RGS6: variants seen among roughly 807,000 people sequenced by gnomAD.
RGS6 encodes regulator of G protein signaling 6.
Under a neutral mutation model 78.5 loss-of-function variants are expected in RGS6, and 30 were observed. The ratio of observed to expected loss-of-function variants is 0.38; its 90% CI spans 0.29 to 0.52. The LOEUF (loss-of-function observed/expected upper bound fraction) is 0.52, where lower values mean the gene tolerates loss of function less well. Among genes scored for constraint, RGS6 ranks in the 20% least tolerant of loss-of-function variants. The pLI is 0.85. For synonymous variants in RGS6, 206 were observed against 206.0 expected (o/e 1.00, Z 0.00); for missense variants, 495 against 609.7 (o/e 0.81, Z 1.98).
chr14:72,425,674 C>T (rs2094404831), intron 3 of RGS6, among the ~76,000 whole-genome samples: 1 of 152,148 alleles, frequency 6.6e-6, no homozygotes, highest in South Asian at 2.1e-4. Flanking sequence ...CAAATCCAGC[C>T]TAGCACATGT....
At chr14:72,432,952 A>G (rs189293296) in intron 3 of RGS6, among the ~76,000 whole-genome samples, 1 of 152,310 alleles carries the variant, frequency 6.6e-6, no homozygotes, top group East Asian at 1.9e-4. Flanking sequence ...GTGGGGAGTA[A>G]GGATGATGAA....
chr14:72,072,576 T>A lies in RGS6; in HGVS notation c.84+107701T>A, dbSNP rs907563796. On this transcript the variant is annotated intron_variant, in intron 2 of 17. Coordinates refer to ENST00000553525, the MANE Select transcript of RGS6 (RefSeq NM_001204424.2). ...CACCTGCCCCGGCCTCCCAAAGTGC[T>A]GGGATTACAGGTGTGAGCCACTGTT... Among the ~76,000 whole-genome samples, 10 of 152,264 alleles carry A rather than the reference T, an allele frequency of 6.6e-5. No individual in the cohort carries two copies. The South Asian group carries it at 8.3e-4, about 13-fold the overall frequency.
At chr14:72,353,982 TCAGCAACAA>T (rs1323157687) in intron 3 of RGS6, among the ~76,000 whole-genome samples, 3 of 148,668 alleles carry the variant, frequency 2.0e-5, no homozygotes, top group Non-Finnish European at 4.5e-5. Context: ...AGACTCTGTC[TCAGCAACAA>T]CAACAACAAC....
the RGS6 span, among the ~76,000 whole-genome samples, chr14:71,905,624 G>T: frequency 6.6e-6 from 1 of 152,210 alleles, no homozygotes; most frequent in East Asian, 1.9e-4. Context: ...TGAGTAGCTG[G>T]GATTACAGGC....
At chr14:72,501,160 A>C (rs1391089535) in intron 13 of RGS6, among the ~76,000 whole-genome samples, 1 of 151,996 alleles carries the variant, frequency 6.6e-6, no homozygotes, top group African/African-American at 2.4e-5. Context: ...TATGATTTCC[A>C]GGGCCCAGGA....
chr14:72,109,727 A>C (rs1374556458), intron 2 of RGS6, among the ~76,000 whole-genome samples: 3 of 152,224 alleles, frequency 2.0e-5, no homozygotes, highest in African/African-American at 7.2e-5. Flanking sequence ...ATAAATTTAT[A>C]TAGTGCCTTA....
chr14:72,489,325 T>G (rs931553341), intron 12 of RGS6, among the ~76,000 whole-genome samples: 3 of 152,236 alleles, frequency 2.0e-5, no homozygotes, highest in African/African-American at 7.2e-5. Flanking sequence ...GCTGCTGGCT[T>G]GTCTTTGTGC....
At chr14:72,030,529 G>A (rs767810421) in intron 2 of RGS6, among the ~76,000 whole-genome samples, 1 of 152,148 alleles carries the variant, frequency 6.6e-6, no homozygotes, top group African/African-American at 2.4e-5. Context: ...TTCACAATCA[G>A]AGTTTCTTAT....
At chr14:72,049,039 C>T (rs1291016574) in intron 2 of RGS6, among the ~76,000 whole-genome samples, 3 of 151,874 alleles carry the variant, frequency 2.0e-5, no homozygotes, top group Non-Finnish European at 2.9e-5. Context: ...AAAATTTTGG[C>T]CATAATTGAA....
chr14:71,926,870 T>TCAATAGAATATA, the RGS6 span, among the ~76,000 whole-genome samples: 1 of 152,182 alleles, frequency 6.6e-6, no homozygotes, highest in African/African-American at 2.4e-5. Flanking sequence ...AAAGGATCCT[T>TCAATAGAATATA]CTTATTGAAG....
intron 2 of RGS6, among the ~76,000 whole-genome samples, chr14:72,097,350 ATCTT>A (rs1160351937): frequency 6.6e-6 from 1 of 151,810 alleles, no homozygotes; most frequent in African/African-American, 2.4e-5. Context: ...TCTTAACAGC[ATCTT>A]TCTTTGTGCC....
chr14:72,325,676 A>G (rs887739322), intron 2 of RGS6, among the ~76,000 whole-genome samples: 2 of 152,136 alleles, frequency 1.3e-5, no homozygotes, highest in African/African-American at 4.8e-5. Context: ...CATGTTAAAA[A>G]TCTCTTGAAT....
At chr14:71,874,433 G>T in the RGS6 span, among the ~76,000 whole-genome samples, 4 of 151,980 alleles carry the variant, frequency 2.6e-5, no homozygotes, top group Non-Finnish European at 4.4e-5. Context: ...TCATGATTTG[G>T]CTCTCTGTTT....
intron 3 of RGS6, among the ~76,000 whole-genome samples, chr14:72,372,820 A>C (rs1254312199): frequency 6.6e-6 from 1 of 152,230 alleles, no homozygotes; most frequent in Non-Finnish European, 1.5e-5. Context: ...CCCATAGCTC[A>C]TCCTTGCTTC....
the RGS6 span, among the ~76,000 whole-genome samples, chr14:72,571,646 C>T: frequency 5.9e-5 from 9 of 152,204 alleles, no homozygotes; most frequent in South Asian, 1.9e-3. Context: ...AATTTGATTC[C>T]CTACCTCACA....
chr14:72,090,030 A>G (rs2095208993), intron 2 of RGS6, among the ~76,000 whole-genome samples: 1 of 151,692 alleles, frequency 6.6e-6, no homozygotes, highest in African/African-American at 2.4e-5. Flanking sequence ...TTTATTAATC[A>G]TAAGAATTCT....
At chr14:72,347,728 G>A (rs2078326933) in intron 2 of RGS6, among the ~76,000 whole-genome samples, 1 of 152,208 alleles carries the variant, frequency 6.6e-6, no homozygotes, top group South Asian at 2.1e-4. Context: ...AAAATGTTTT[G>A]AATGTAAGGA....
chr14:71,872,343 T>C, the RGS6 span, among the ~76,000 whole-genome samples: 1 of 150,490 alleles, frequency 6.6e-6, no homozygotes, highest in Admixed American at 7.1e-5. Flanking sequence ...GTTTGCCTGA[T>C]CTATGTGGCA....
chr14:72,305,315 T>A (rs1384967094), intron 2 of RGS6, among the ~76,000 whole-genome samples: 6 of 152,236 alleles, frequency 3.9e-5, no homozygotes, highest in East Asian at 1.9e-4. Context: ...GGGTTACATA[T>A]AGATGCATCT....
Sources: gnomAD v4.1 joint callset for allele counts (sites outside exome capture counted in the v4.1 genomes callset) on GRCh38, gnomAD v4.1.1 for gene constraint, MANE v1.5 for transcripts, NCBI Gene and HGNC (gene_info 2026-07-23, HGNC 2026-07-21) for gene names.